The following ANK2 variants were observed in gnomAD, a reference collection of about 807,000 sequenced individuals.
ANK2 encodes ankyrin-2.
ANK2 carries 83 observed loss-of-function variants against 360.5 expected under a neutral mutation model. The ratio of observed to expected loss-of-function variants is 0.23; its 90% CI spans 0.19 to 0.28. ANK2 has a LOEUF of 0.28. ANK2 is among the 10% of genes least tolerant of loss of function. ANK2 has a pLI of 1.00. For missense variants in ANK2, 4,201 were observed against 4,795.7 expected (o/e 0.88, Z 3.66); for synonymous variants, 1,740 against 1,759.5 (o/e 0.99, Z 0.28).
At chr4:112,826,366 C>T (rs922875270) in intron 1 of ANK2, 121 of 982,054 alleles carry the variant, frequency 1.2e-4, no homozygotes, top group Non-Finnish European at 1.3e-4. Context: ...ACAATGGTCT[C>T]ACTGCAACCT....
chr4:113,317,161 T>A (rs1176112400), intron 24 of ANK2, among the ~76,000 whole-genome samples: 1 of 152,184 alleles, frequency 6.6e-6, no homozygotes, highest in Non-Finnish European at 1.5e-5. Flanking sequence ...TTTCACTCTG[T>A]ACCTTCCAGG....
Position 113,159,769 on chromosome 4 carries a change from G to A in ANK2, c.85-14647G>A, listed in dbSNP as rs551380297. On this transcript the variant is annotated intron_variant, in intron 1 of 45. Transcript: ENST00000357077. ...ATTATAGGCACCCACCACCACGCCC[G>A]GCTAATTTTTATATATATATATGTA... is the stretch of plus-strand genomic sequence containing the variant. Among the ~76,000 whole-genome samples, 30 of 139,354 alleles carry A rather than the reference G, an allele frequency of 2.2e-4. No homozygotes were observed. In the South Asian group the frequency reaches 3.2e-3, roughly 15 times the overall value. The allele number at this position is 139,354 out of a possible 152,430, so 91.4% of individuals were successfully genotyped here.
chr4:113,145,506 C>A (rs2096794799), intron 1 of ANK2: 10 of 762,198 alleles, frequency 1.3e-5, no homozygotes, highest in Non-Finnish European at 1.6e-5. Flanking sequence ...ATGTGTGAGG[C>A]AGGCTGCTTG....
the ANK2 span, among the ~76,000 whole-genome samples, chr4:112,722,661 G>A: frequency 2.0e-5 from 3 of 152,198 alleles, no homozygotes; most frequent in African/African-American, 7.2e-5. Flanking sequence ...AGAAAGCAAG[G>A]TTGGAGGAAG....
At chr4:113,082,728 T>C (rs887016912) in intron 1 of ANK2, among the ~76,000 whole-genome samples, 1 of 152,228 alleles carries the variant, frequency 6.6e-6, no homozygotes, top group South Asian at 2.1e-4. Flanking sequence ...AGAGAAAACG[T>C]GGCTCAAATA....
chr4:113,268,046 CTGTT>C (rs2153666474), intron 14 of ANK2, among the ~76,000 whole-genome samples: 1 of 152,224 alleles, frequency 6.6e-6, no homozygotes, highest in Non-Finnish European at 1.5e-5. Flanking sequence ...ATTTGCCTCT[CTGTT>C]TGTCTATTAT....
chr4:113,104,215 GTTTTC>G (rs2093335815), intron 1 of ANK2, among the ~76,000 whole-genome samples: 2 of 152,080 alleles, frequency 1.3e-5, no homozygotes, highest in African/African-American at 4.8e-5. Context: ...TGCTGTTGTT[GTTTTC>G]TTCTTTTCTT....
chr4:113,257,130 G>A (rs1439437285), intron 11 of ANK2, among the ~76,000 whole-genome samples: 7 of 152,192 alleles, frequency 4.6e-5, no homozygotes, highest in African/African-American at 1.7e-4. Context: ...AACTGCTAGT[G>A]TGTAAAAACG....
chr4:113,193,068 A>C (rs2098696686), intron 2 of ANK2, among the ~76,000 whole-genome samples: 1 of 152,172 alleles, frequency 6.6e-6, no homozygotes, highest in Non-Finnish European at 1.5e-5. Flanking sequence ...ATAGAGTGAC[A>C]TCTTCAAAGT....
intron 23 of ANK2, among the ~76,000 whole-genome samples, chr4:113,303,925 A>C (rs2076100778): frequency 6.6e-6 from 1 of 152,238 alleles, no homozygotes; most frequent in Non-Finnish European, 1.5e-5. Context: ...TAAAATCATA[A>C]GATAAAACTT....
At chr4:112,808,390 A>G in the ANK2 span, among the ~76,000 whole-genome samples, 5 of 152,282 alleles carry the variant, frequency 3.3e-5, no homozygotes, top group African/African-American at 1.2e-4. Context: ...ATTATGTGAA[A>G]GAAGGAGTAA....
chr4:113,122,045 A>G (rs2095396616), intron 1 of ANK2, among the ~76,000 whole-genome samples: 1 of 152,202 alleles, frequency 6.6e-6, no homozygotes, highest in Admixed American at 6.6e-5. Flanking sequence ...TTGAGAGTGG[A>G]ATGTATTCTA....
chr4:112,870,083 C>T (rs955208888), intron 1 of ANK2, among the ~76,000 whole-genome samples: 2 of 152,106 alleles, frequency 1.3e-5, no homozygotes, highest in African/African-American at 2.4e-5. Context: ...ACTGCAACCT[C>T]CACCTCCTGG....
intron 1 of ANK2, among the ~76,000 whole-genome samples, chr4:112,863,826 G>T (rs1386026890): frequency 1.3e-5 from 2 of 151,910 alleles, no homozygotes; most frequent in African/African-American, 4.8e-5. Flanking sequence ...CCGGCCTAGA[G>T]TGTCTTTATT....
At chr4:113,257,144 A>T (rs146508449) in intron 11 of ANK2, among the ~76,000 whole-genome samples, 32 of 152,348 alleles carry the variant, frequency 2.1e-4, no homozygotes, top group Non-Finnish European at 3.7e-4. Context: ...AAAAACGTTG[A>T]CTGATGATTG....
Position 113,274,606 on chromosome 4 carries a change from C to T in ANK2, c.1640C>T (p.Ser547Leu), listed in dbSNP as rs2153688958. ...CGGGAGGGCCAGGTGGATGTGGCATCAGTCCTATTGGAAGCAGGAGCAGCC... is the reference window on the plus strand; with the variant it reads ...CGGGAGGGCCAGGTGGATGTGGCATTAGTCCTATTGGAAGCAGGAGCAGCC... ...SAREGQVDVA[S>L]VLLEAGAAHS... The change falls in exon 15 of 46, where the codon TCA becomes TTA. Residue 547 changes from serine (S) to leucine (L), a missense_variant. Ser to Leu is a moderately radical substitution (Grantham distance 145). Coordinates refer to ENST00000357077, the MANE Select transcript of ANK2 (RefSeq NM_001148.6). The T allele has an allele frequency of 6.2e-7, 1 of 1,614,196 alleles. No homozygotes were observed. Among genetic ancestry groups the T allele is most frequent in the South Asian group, 1.1e-5 (1 of 91,080 alleles).
At chr4:113,292,240 C>T (rs953546578) in intron 20 of ANK2, among the ~76,000 whole-genome samples, 176 bp from the exon 21 acceptor site, 2 of 152,170 alleles carry the variant, frequency 1.3e-5, no homozygotes, top group Non-Finnish European at 2.9e-5. Flanking sequence ...CTTAGCAGAC[C>T]ATAAGGTGTG....
Position 113,356,860 on chromosome 4 carries a change from C to A in ANK2, c.8242C>A (p.His2748Asn), listed in dbSNP as rs764914059. The A allele has an allele frequency of 1.9e-6, 3 of 1,614,040 alleles. No homozygotes were observed. Among genetic ancestry groups the A allele is most frequent in the Non-Finnish European group, 2.5e-6 (3 of 1,179,970 alleles). ...DSESHLAEDR[H>N]AVSTEAEDRS... Reference sequence around the variant, plus strand: ...TGAATCCCATTTAGCTGAAGACCGTCATGCTGTTTCCACTGAGGCTGAAGA... The same window carrying A: ...TGAATCCCATTTAGCTGAAGACCGTAATGCTGTTTCCACTGAGGCTGAAGA... Residue 2748 changes from histidine (H) to asparagine (N), a missense_variant, in exon 38 of 46, where the codon CAT becomes AAT. His to Asn is a moderately conservative substitution (Grantham distance 68). Around this residue, in one of 4 missense-constraint regions of ANK2, gnomAD observed 2,642 missense variants for 2,714.5 expected, o/e 0.97. Transcript: ENST00000357077.
chr4:112,952,678 G>T (rs1269419587), intron 2 of ANK2, among the ~76,000 whole-genome samples: 1 of 152,110 alleles, frequency 6.6e-6, no homozygotes, highest in Non-Finnish European at 1.5e-5. Flanking sequence ...ATGAACATGT[G>T]AAATATATAT....
Sources: gnomAD v4.1 joint callset for allele counts (sites outside exome capture counted in the v4.1 genomes callset) on GRCh38, gnomAD v4.1.1 for gene constraint, gnomAD v4.1.1 regional missense constraint, MANE v1.5 for transcripts, NCBI Gene and HGNC (gene_info 2026-07-23, HGNC 2026-07-21) for gene names.